The following KLF12 variants were observed in gnomAD, a reference collection of about 807,000 sequenced individuals.
KLF12 encodes Krueppel-like factor 12.
In KLF12, 9 loss-of-function variants were observed where a neutral mutation model predicts 37.8. That is an observed-to-expected ratio of 0.24 (90% CI 0.14 to 0.42). KLF12 has a LOEUF of 0.42. KLF12 is among the 10% of genes least tolerant of loss of function. The pLI is 1.00. For missense variants in KLF12, 411 were observed against 516.0 expected, an observed-to-expected ratio of 0.80 and a Z score of 1.97; for synonymous variants, 208 against 202.1, an observed-to-expected ratio of 1.03 and a Z score of -0.25.
At chr13:74,160,722 G>A in the KLF12 span, among the ~76,000 whole-genome samples, 26 of 152,294 alleles carry the variant, frequency 1.7e-4, no homozygotes, top group Non-Finnish European at 2.2e-4. Context: ...GGTTAAGGGA[G>A]ACAGAGAATG....
intron 3 of KLF12, among the ~76,000 whole-genome samples, chr13:73,898,785 T>A (rs1477510707): frequency 6.6e-6 from 1 of 152,230 alleles, no homozygotes; most frequent in Non-Finnish European, 1.5e-5. Context: ...TACTCCTTAT[T>A]GATTATCCTT....
At chr13:73,919,447 A>C (rs1889009496) in intron 3 of KLF12, among the ~76,000 whole-genome samples, 1 of 152,246 alleles carries the variant, frequency 6.6e-6, no homozygotes, top group South Asian at 2.1e-4. Context: ...TGATCTTGAT[A>C]CAGGAAAGAA....
At chr13:73,795,751 CA>C (rs2029953418) in intron 5 of KLF12, among the ~76,000 whole-genome samples, 1 of 152,068 alleles carries the variant, frequency 6.6e-6, no homozygotes. Flanking sequence ...AGGACTGTTA[CA>C]AAAGAAAAGC....
intron 5 of KLF12, among the ~76,000 whole-genome samples, chr13:73,781,843 AAAAAG>A (rs1880986387): frequency 6.6e-6 from 1 of 152,240 alleles, no homozygotes; most frequent in Non-Finnish European, 1.5e-5. Flanking sequence ...CACAATTAAA[AAAAAG>A]AAATGATAAA....
intron 1 of KLF12, among the ~76,000 whole-genome samples, chr13:74,072,369 A>ATC (rs1398830176): frequency 2.1e-5 from 1 of 48,204 alleles, no homozygotes; most frequent in African/African-American, 1.1e-4. Flanking sequence ...ATACAAATAT[A>ATC]TATATATATA....
At chr13:73,855,713 C>T (rs1427506640) in intron 3 of KLF12, among the ~76,000 whole-genome samples, 5 of 152,214 alleles carry the variant, frequency 3.3e-5, no homozygotes, top group African/African-American at 4.8e-5. Flanking sequence ...CAACCAAGGG[C>T]GTATAAGCAC....
At chr13:74,060,714 A>ACAGTT (rs1238898746) in intron 1 of KLF12, among the ~76,000 whole-genome samples, 1 of 152,114 alleles carries the variant, frequency 6.6e-6, no homozygotes, top group African/African-American at 2.4e-5. Context: ...CCATCAGTGA[A>ACAGTT]CAGAGATAAT....
chr13:74,159,155 C>T, the KLF12 span, among the ~76,000 whole-genome samples: 1 of 152,154 alleles, frequency 6.6e-6, no homozygotes, highest in African/African-American at 2.4e-5. Context: ...AGGTCATGTT[C>T]CTTCTAGGGG....
chr13:74,018,945 T>G (rs1458215100), intron 1 of KLF12, among the ~76,000 whole-genome samples: 2 of 152,194 alleles, frequency 1.3e-5, no homozygotes, highest in Non-Finnish European at 2.9e-5. Flanking sequence ...TGTTTTATCT[T>G]TTACTGATGA....
At chr13:74,244,779 C>T in the KLF12 span, among the ~76,000 whole-genome samples, 5 of 152,122 alleles carry the variant, frequency 3.3e-5, no homozygotes, top group African/African-American at 9.7e-5. Flanking sequence ...CTTATTGCTA[C>T]CAAGTAAAAT....
the KLF12 span, among the ~76,000 whole-genome samples, chr13:74,200,515 C>T: frequency 2.0e-5 from 3 of 151,956 alleles, no homozygotes; most frequent in Admixed American, 6.6e-5. Flanking sequence ...ATTAGATAGC[C>T]GGTAGAGTGG....
At chr13:73,812,672 C>G (rs1998571) in intron 5 of KLF12, among the ~76,000 whole-genome samples, 38,125 of 151,672 alleles carry the variant, frequency 0.25, 5,095 homozygotes, top group East Asian at 0.5. Flanking sequence ...GGTAAAAGGA[C>G]AGAGAAAAGA....
chr13:74,246,828 A>G, the KLF12 span, among the ~76,000 whole-genome samples: 2 of 152,214 alleles, frequency 1.3e-5, no homozygotes, highest in Non-Finnish European at 2.9e-5. Flanking sequence ...ATGAGAAAGC[A>G]CATCTGACTC....
chr13:73,862,192 G>A (rs1000702558), intron 3 of KLF12, among the ~76,000 whole-genome samples: 3 of 151,856 alleles, frequency 2.0e-5, no homozygotes, highest in African/African-American at 7.3e-5. Flanking sequence ...CCCATGTGAT[G>A]CTACTGTTAG....
At chr13:73,906,793 C>T (rs536400479) in intron 3 of KLF12, among the ~76,000 whole-genome samples, 6 of 152,206 alleles carry the variant, frequency 3.9e-5, no homozygotes, top group East Asian at 1.9e-4. Context: ...TGGATTCTAG[C>T]GAGGGGATTT....
intron 6 of KLF12, among the ~76,000 whole-genome samples, chr13:73,724,511 G>C (rs1372938775): frequency 6.6e-6 from 1 of 152,168 alleles, no homozygotes; most frequent in Non-Finnish European, 1.5e-5. Context: ...ATGACTGTCT[G>C]AGGCCACATG....
At chr13:73,793,930 C>T (rs190885206) in intron 5 of KLF12, among the ~76,000 whole-genome samples, 1 of 152,306 alleles carries the variant, frequency 6.6e-6, no homozygotes, top group East Asian at 1.9e-4. Context: ...TATATTTACA[C>T]AGGAGGGCTC....
chr13:74,059,729 G>A (rs7318475), intron 1 of KLF12, among the ~76,000 whole-genome samples: 2 of 152,052 alleles, frequency 1.3e-5, no homozygotes, highest in Non-Finnish European at 1.5e-5. Context: ...TCTGTAGATT[G>A]CCTGTTTATT....
At position 73,774,510 on chromosome 13, in the gene KLF12, A is replaced by G. The variant is rs367862437; in HGVS notation, c.807-9510T>C. Among the ~76,000 whole-genome samples the G allele has an allele frequency of 1.4e-4, 21 of 152,248 alleles. 1 individual carries two copies. Among genetic ancestry groups the G allele is most frequent in the South Asian group, 1.0e-3 (5 of 4,822 alleles). ...CCGTCACTTCCTCACCACCACAGAA[A>G]TTAGTGGACACAGTGGGAAAACTGG... On this transcript the variant is annotated intron_variant, in intron 5 of 7. Transcript: ENST00000377669.
Sources: gnomAD v4.1 joint callset for allele counts (sites outside exome capture counted in the v4.1 genomes callset) on GRCh38, gnomAD v4.1.1 for gene constraint, MANE v1.5 for transcripts, NCBI Gene and HGNC (gene_info 2026-07-23, HGNC 2026-07-21) for gene names.